Variants in THSD7B observed in about 807,000 individuals in gnomAD.
THSD7B encodes thrombospondin type 1 domain containing 7B.
In THSD7B, 138 loss-of-function variants were observed where a neutral mutation model predicts 213.6. That is an observed-to-expected ratio of 0.65 (90% confidence interval 0.56 to 0.74). The LOEUF (loss-of-function observed/expected upper bound fraction) is 0.74. Ranked by LOEUF, THSD7B falls within the 30% of genes least tolerant of loss-of-function variation. The probability of loss-of-function intolerance (pLI) is 0.00; values close to 1 mark genes in which losing one functional copy is unlikely to be tolerated. For missense variants in THSD7B, 1,931 were observed against 1,991.5 expected, an observed-to-expected ratio of 0.97 and a Z score of 0.58; for synonymous variants, 742 against 687.0, an observed-to-expected ratio of 1.08 and a Z score of -1.25.
In THSD7B at chr2:136,819,698, C is replaced by T. The variant is rs975279873; in HGVS notation, c.-36+54011C>T. 5.3e-5 allele frequency among the ~76,000 whole-genome samples: 8 copies of T among 152,188 alleles called. No individual in the cohort carries two copies. The South Asian group carries it at 1.0e-3, about 20-fold the overall frequency. On this transcript the variant is annotated intron_variant, in intron 1 of 27. Transcript: ENST00000409968. Reference sequence around the variant, plus strand: ...GGACCTTGCTTATGCCCCCCCCAGTCCAGCTGAGGCTGAACTGAGCTCTGC... The same window carrying T: ...GGACCTTGCTTATGCCCCCCCCAGTTCAGCTGAGGCTGAACTGAGCTCTGC...
intron 2 of THSD7B, among the ~76,000 whole-genome samples, chr2:137,006,516 G>C (rs1250607582): frequency 6.6e-6 from 1 of 152,108 alleles, no homozygotes; most frequent in Non-Finnish European, 1.5e-5. Context: ...GGAGGCTAAA[G>C]GACTCATCTG....
chr2:137,221,148 G>C (rs1681360382), intron 7 of THSD7B, among the ~76,000 whole-genome samples: 1 of 152,106 alleles, frequency 6.6e-6, no homozygotes, highest in Non-Finnish European at 1.5e-5. Context: ...TTAGGCAGGA[G>C]TGGTGGCGGG....
chr2:137,367,277 G>T (rs546793729), intron 12 of THSD7B, among the ~76,000 whole-genome samples: 1 of 152,156 alleles, frequency 6.6e-6, no homozygotes, highest in Non-Finnish European at 1.5e-5. Context: ...GCCTTAGCAT[G>T]GGCAAGTCAC....
intron 5 of THSD7B, among the ~76,000 whole-genome samples, chr2:137,121,699 A>G (rs758912943): frequency 1.3e-5 from 2 of 152,234 alleles, no homozygotes; most frequent in Non-Finnish European, 2.9e-5. Flanking sequence ...AAAGGCCCTT[A>G]AAGGCCATGC....
At chr2:136,826,598 G>A (rs533913763) in intron 1 of THSD7B, among the ~76,000 whole-genome samples, 51 of 152,260 alleles carry the variant, frequency 3.3e-4, no homozygotes, top group Admixed American at 6.5e-4. Flanking sequence ...TGGAAGGCAT[G>A]GGGAGCCTTT....
intron 1 of THSD7B, among the ~76,000 whole-genome samples, chr2:136,848,511 A>C (rs995771998): frequency 1.3e-5 from 2 of 152,182 alleles, no homozygotes; most frequent in Admixed American, 1.3e-4. Context: ...CAGATGCTAA[A>C]TTAAGTGTGT....
At chr2:136,918,176 G>A (rs1468348369) in intron 2 of THSD7B, among the ~76,000 whole-genome samples, 1 of 152,142 alleles carries the variant, frequency 6.6e-6, no homozygotes, top group Non-Finnish European at 1.5e-5. Context: ...TGTACCTGAA[G>A]AGCATTGGGT....
At chr2:136,820,631 GA>G (rs1682551838) in intron 1 of THSD7B, among the ~76,000 whole-genome samples, 1 of 151,982 alleles carries the variant, frequency 6.6e-6, no homozygotes. Context: ...TCCTAGATTA[GA>G]AAAAAATGCT....
At chr2:136,767,104 T>C (rs1681412788) in intron 1 of THSD7B, among the ~76,000 whole-genome samples, 1 of 152,180 alleles carries the variant, frequency 6.6e-6, no homozygotes, top group Admixed American at 6.5e-5. Flanking sequence ...CAGGGCAATC[T>C]GAGTTTCTCG....
chr2:137,459,852 G>C (rs1320149003), intron 15 of THSD7B, among the ~76,000 whole-genome samples: 3 of 152,032 alleles, frequency 2.0e-5, no homozygotes, highest in Admixed American at 1.3e-4. Flanking sequence ...CTGTAGTTCA[G>C]TACACTTAGA....
intron 12 of THSD7B, among the ~76,000 whole-genome samples, chr2:137,342,244 T>C (rs1401527624): frequency 6.6e-6 from 1 of 151,664 alleles, no homozygotes; most frequent in African/African-American, 2.4e-5. Flanking sequence ...TTCCCAAATT[T>C]ATTTATTTTT....
chr2:137,638,518 C>G (rs1309421666), intron 20 of THSD7B, among the ~76,000 whole-genome samples: 1 of 152,054 alleles, frequency 6.6e-6, no homozygotes, highest in African/African-American at 2.4e-5. Context: ...AGTGTGAAAA[C>G]AGATTAATAG....
At chr2:137,328,770 C>T (rs138443221) in intron 12 of THSD7B, among the ~76,000 whole-genome samples, 154 of 152,248 alleles carry the variant, frequency 1.0e-3, no homozygotes, top group African/African-American at 3.3e-3. Flanking sequence ...ATGCTATTCT[C>T]GTGATAGTAA....
At chr2:136,882,459 A>C in intron 2 of THSD7B, 142 bp downstream of exon 2, 2 of 992,726 alleles carry the variant, frequency 2.0e-6, no homozygotes, top group Non-Finnish European at 1.3e-6. Context: ...TCTGCAGCTC[A>C]TATTTGATTT....
At chr2:137,072,774 C>A (rs1282632439) in intron 3 of THSD7B, among the ~76,000 whole-genome samples, 2 of 151,954 alleles carry the variant, frequency 1.3e-5, no homozygotes, top group Non-Finnish European at 2.9e-5. Context: ...TTGAGATATG[C>A]CCCATCAATA....
chr2:137,460,483 G>A (rs1271452432), intron 15 of THSD7B, among the ~76,000 whole-genome samples: 1 of 151,628 alleles, frequency 6.6e-6, no homozygotes, highest in Non-Finnish European at 1.5e-5. Flanking sequence ...TCCTCTTTTT[G>A]CATTTATCTC....
At chr2:137,276,908 G>T (rs536355740) in intron 12 of THSD7B, among the ~76,000 whole-genome samples, 1 of 152,110 alleles carries the variant, frequency 6.6e-6, no homozygotes, top group East Asian at 1.9e-4. Context: ...AAATTTTATT[G>T]GTCAGGTAGT....
intron 12 of THSD7B, among the ~76,000 whole-genome samples, chr2:137,384,891 A>C (rs1685857055): frequency 6.6e-6 from 1 of 151,972 alleles, no homozygotes; most frequent in African/African-American, 2.4e-5. Context: ...GGCCCCTACA[A>C]ACTGGTTCAC....
intron 2 of THSD7B, among the ~76,000 whole-genome samples, chr2:137,035,579 A>G (rs941567249): frequency 1.3e-5 from 2 of 151,772 alleles, no homozygotes; most frequent in African/African-American, 2.4e-5. Context: ...TTTTTAAACC[A>G]TTCTATCCTG....
Sources: allele counts gnomAD v4.1 joint callset (sites outside exome capture counted in the v4.1 genomes callset), GRCh38; gene constraint gnomAD v4.1.1; transcripts MANE v1.5; gene names NCBI Gene and HGNC (gene_info 2026-07-23, HGNC 2026-07-21).